PSD3: variants seen among roughly 807,000 people sequenced by gnomAD.
PSD3 encodes pleckstrin and Sec7 domain containing 3.
A neutral mutation model predicts 105.5 loss-of-function variants in PSD3; 49 were observed. That is an observed-to-expected ratio of 0.46 (90% confidence interval 0.37 to 0.59). The LOEUF (loss-of-function observed/expected upper bound fraction) is 0.59, where lower values mean the gene tolerates loss of function less well. Ranked by LOEUF, PSD3 falls within the 20% of genes least tolerant of loss-of-function variation. The pLI is 0.00. For synonymous variants in PSD3, 557 were observed against 457.8 expected, an observed-to-expected ratio of 1.22 and a Z score of -2.77; for missense variants, 1,561 against 1,263.8, an observed-to-expected ratio of 1.24 and a Z score of -3.57.
chr8:18,700,254 C>T (rs1801503033), intron 9 of PSD3, among the ~76,000 whole-genome samples: 1 of 152,134 alleles, frequency 6.6e-6, no homozygotes. Flanking sequence ...ACCTCCTAAT[C>T]ACTTAATTAG....
Position 18,643,685 on chromosome 8 carries a change from G to A in PSD3, c.2217-10879C>T, listed in dbSNP as rs150130144. On this transcript the variant is annotated intron_variant, in intron 10 of 15. Transcript: ENST00000327040. Reference sequence around the variant, plus strand: ...AAGCTGGAGAATAGTTTCCTTTGATGTCCCAAATCCTGAAAACACTGGAAT... The same window carrying A: ...AAGCTGGAGAATAGTTTCCTTTGATATCCCAAATCCTGAAAACACTGGAAT... Among the ~76,000 whole-genome samples, 16 of 152,344 alleles carry A rather than the reference G, an allele frequency of 1.1e-4. No individual in the cohort carries two copies. In the East Asian group the frequency reaches 3.1e-3, roughly 29 times the overall value.
At chr8:18,827,111 C>T (rs1813255681) in intron 4 of PSD3, among the ~76,000 whole-genome samples, 1 of 152,180 alleles carries the variant, frequency 6.6e-6, no homozygotes, top group African/African-American at 2.4e-5. Flanking sequence ...ACACCTCCTG[C>T]CGGGCACCAT....
intron 1 of PSD3, among the ~76,000 whole-genome samples, chr8:18,957,822 G>T (rs530055498): frequency 1.2e-4 from 18 of 152,328 alleles, no homozygotes; most frequent in African/African-American, 4.3e-4. Flanking sequence ...TGGGTGGGGT[G>T]AAGTGTGGTG....
chr8:18,939,065 T>C (rs1216504232), intron 1 of PSD3, among the ~76,000 whole-genome samples: 1 of 152,182 alleles, frequency 6.6e-6, no homozygotes, highest in Non-Finnish European at 1.5e-5. Context: ...ACAGGGGTGC[T>C]AGAAAATAAG....
rs1210246652 is a variant in PSD3, at chr8:18,529,662, A to G, written c.*6081T>C. 6.6e-6 allele frequency: 1 copy of G among 152,584 alleles called. No homozygotes were observed. The highest frequency in any genetic ancestry group is 2.4e-5 in the African/African-American group (1 of 41,444). 9.5% of individuals were successfully genotyped at this position (152,584 alleles called of 1,614,324 possible). A position where few individuals can be genotyped will look rare whatever the true frequency, so the allele number is the denominator to read the frequency against. ...GCATTAAAAATCAATGTGCATATAT[A>G]TACTCTCTCTAGAGTAGATATTATT... On this transcript the variant is annotated 3_prime_UTR_variant, in exon 16 of 16. Coordinates refer to ENST00000327040, the MANE Select transcript of PSD3 (RefSeq NM_015310.4).
intron 8 of PSD3, among the ~76,000 whole-genome samples, chr8:18,768,172 G>C (rs917659874): frequency 2.0e-5 from 3 of 148,892 alleles, no homozygotes; most frequent in African/African-American, 7.4e-5. Context: ...TGTAATCCCA[G>C]CTACTCAGGG....
intron 2 of PSD3, among the ~76,000 whole-genome samples, chr8:18,881,120 T>A (rs1019030161): frequency 4.6e-5 from 7 of 152,220 alleles, no homozygotes; most frequent in African/African-American, 1.7e-4. Context: ...TAACAAATCG[T>A]GTTTCCTGTT....
chr8:19,076,481 T>C (rs2129478169), intron 1 of PSD3, among the ~76,000 whole-genome samples: 1 of 152,156 alleles, frequency 6.6e-6, no homozygotes, highest in South Asian at 2.1e-4. Flanking sequence ...GAGATGCAAA[T>C]ATAAAATTTT....
At chr8:19,041,219 C>A (rs1828113672) in intron 1 of PSD3, among the ~76,000 whole-genome samples, 1 of 152,224 alleles carries the variant, frequency 6.6e-6, no homozygotes. Context: ...TATATAGAAC[C>A]TTCTTCATCT....
chr8:18,556,283 A>G lies in PSD3; in HGVS notation c.2854T>C (p.Tyr952His), dbSNP rs1801068424. The G allele has an allele frequency of 1.2e-6, 2 of 1,613,950 alleles. No homozygotes were observed. The highest frequency in any genetic ancestry group is 1.7e-5 in the Admixed American group (1 of 59,998). ...ITTELAEHRS[Y>H]PPDKKVKAKD... ...GCTTTGACCTTCTTGTCGGGGGGATATGAGCGGTGCTCGGCCAGCTCGGTG... is the reference window on the plus strand; with the variant it reads ...GCTTTGACCTTCTTGTCGGGGGGATGTGAGCGGTGCTCGGCCAGCTCGGTG... Residue 952 changes from tyrosine to histidine, a missense_variant, in exon 15 of 16, where the codon TAT becomes CAT. Tyr to His is a moderately conservative substitution (Grantham distance 83, BLOSUM62 2). Transcript: ENST00000327040.
intron 10 of PSD3, among the ~76,000 whole-genome samples, chr8:18,638,859 G>C (rs1807450022): frequency 6.6e-6 from 1 of 152,150 alleles, no homozygotes; most frequent in Non-Finnish European, 1.5e-5. Flanking sequence ...AATCAAAACA[G>C]CATGATACTG....
chr8:18,537,419 T>G (rs1350877507), intron 15 of PSD3, among the ~76,000 whole-genome samples: 2 of 152,210 alleles, frequency 1.3e-5, no homozygotes, highest in African/African-American at 4.8e-5. Flanking sequence ...GATTTTAGGA[T>G]GACTCCTCTG....
chr8:18,665,003 G>T (rs2130886883), intron 9 of PSD3, among the ~76,000 whole-genome samples: 1 of 152,322 alleles, frequency 6.6e-6, no homozygotes, highest in Non-Finnish European at 1.5e-5. Context: ...CATTAACAGA[G>T]CACCTCGTCA....
intron 1 of PSD3, among the ~76,000 whole-genome samples, chr8:19,033,167 T>C (rs1334903220): frequency 6.6e-6 from 1 of 152,050 alleles, no homozygotes; most frequent in African/African-American, 2.4e-5. Flanking sequence ...CTGAATCCAT[T>C]TGGTTCAGAA....
chr8:18,554,355 G>A (rs1294639927), intron 15 of PSD3, among the ~76,000 whole-genome samples: 1 of 152,216 alleles, frequency 6.6e-6, no homozygotes, highest in East Asian at 1.9e-4. Flanking sequence ...GGGGAAAGAT[G>A]AGCTGCCTAG....
At chr8:18,874,198 T>C (rs1161676722) in intron 2 of PSD3, among the ~76,000 whole-genome samples, 1 of 151,382 alleles carries the variant, frequency 6.6e-6, no homozygotes, top group African/African-American at 2.5e-5. Context: ...AGTCTCACTC[T>C]GTTTCCAGGC....
At chr8:18,613,306 G>A (rs545737200) in intron 11 of PSD3, among the ~76,000 whole-genome samples, 1 of 152,244 alleles carries the variant, frequency 6.6e-6, no homozygotes, top group Non-Finnish European at 1.5e-5. Flanking sequence ...ACATTGGGAG[G>A]AGGGGGTGGG....
chr8:18,776,312 T>G (rs2129444845), intron 8 of PSD3, among the ~76,000 whole-genome samples: 1 of 147,188 alleles, frequency 6.8e-6, no homozygotes, highest in South Asian at 2.1e-4. Flanking sequence ...ATATATAGTA[T>G]AAAATATATA....
At chr8:18,610,658 T>C (rs1174587912) in intron 11 of PSD3, among the ~76,000 whole-genome samples, 2 of 152,172 alleles carry the variant, frequency 1.3e-5, no homozygotes, top group African/African-American at 2.4e-5. Context: ...TTCCTTTTCT[T>C]ATATAATAGC....
Sources: allele counts gnomAD v4.1 joint callset (sites outside exome capture counted in the v4.1 genomes callset), GRCh38; gene constraint gnomAD v4.1.1; transcripts MANE v1.5; gene names NCBI Gene and HGNC (gene_info 2026-07-23, HGNC 2026-07-21).